Variants in ADAM22 observed in about 807,000 individuals in gnomAD.
ADAM22 encodes ADAM metallopeptidase domain 22.
ADAM22 carries 65 observed loss-of-function variants against 144.6 expected under a neutral mutation model. The ratio of observed to expected loss-of-function variants is 0.45; its 90% CI spans 0.37 to 0.55. ADAM22 has a LOEUF of 0.55. Ranked by LOEUF, ADAM22 falls within the 20% of genes least tolerant of loss-of-function variation. The probability of loss-of-function intolerance (pLI) is 0.00; values close to 1 mark genes in which losing one functional copy is unlikely to be tolerated. For synonymous variants in ADAM22, 391 were observed against 412.6 expected (o/e 0.95, Z 0.63); for missense variants, 974 against 1,184.9 (o/e 0.82, Z 2.61).
chr7:87,934,790 G>A, intron 1 of ADAM22: 1 of 670,350 alleles, frequency 1.5e-6, no homozygotes, highest in Non-Finnish European at 2.5e-6. Context: ...GAGGAATGGG[G>A]AGAATGGGAA....
intron 4 of ADAM22, among the ~76,000 whole-genome samples, chr7:88,097,620 TAA>T (rs55678558): frequency 0.011 from 1,612 of 141,304 alleles, 27 homozygotes; most frequent in African/African-American, 0.034. Context: ...TGTGTTTCCT[TAA>T]AAAAAAAAAA....
chr7:88,101,010 A>C (rs1216325269), intron 4 of ADAM22, among the ~76,000 whole-genome samples: 19 of 150,544 alleles, frequency 1.3e-4, no homozygotes, highest in Non-Finnish European at 1.5e-5. Flanking sequence ...GGAATCTAGG[A>C]TGCAGTAGGG....
At chr7:87,940,167 G>A (rs542337838) in intron 2 of ADAM22, among the ~76,000 whole-genome samples, 1 of 124,882 alleles carries the variant, frequency 8.0e-6, no homozygotes, top group Non-Finnish European at 1.6e-5. Flanking sequence ...GGGCGACAGA[G>A]CAAGTCTTTA....
chr7:88,086,465 TAAAA>T (rs1252029244), intron 4 of ADAM22, among the ~76,000 whole-genome samples: 1 of 152,194 alleles, frequency 6.6e-6, no homozygotes, highest in Admixed American at 6.5e-5. Context: ...TATTAAAACT[TAAAA>T]AGAATTTTTT....
chr7:88,067,635 C>T (rs573923293), intron 3 of ADAM22, among the ~76,000 whole-genome samples: 1 of 152,192 alleles, frequency 6.6e-6, no homozygotes, highest in East Asian at 1.9e-4. Flanking sequence ...AAATCTGATT[C>T]TGCTGCAAAG....
chr7:88,155,049 T>C (rs545587459), intron 21 of ADAM22, among the ~76,000 whole-genome samples: 2 of 152,172 alleles, frequency 1.3e-5, no homozygotes, highest in Admixed American at 6.6e-5. Flanking sequence ...TAAGTTAGAA[T>C]CATATGTAAT....
intron 14 of ADAM22, among the ~76,000 whole-genome samples, chr7:88,142,682 CA>C (rs1334616076): frequency 6.6e-6 from 1 of 151,674 alleles, no homozygotes; most frequent in South Asian, 2.1e-4. Flanking sequence ...ACTAAAAATA[CA>C]AAAAATTAGC....
In ADAM22 at chr7:88,199,232, T is replaced by C. The variant is rs1363844996; in HGVS notation, c.*2741T>C. 6.6e-6 allele frequency: 1 copy of C among 152,242 alleles called. No homozygotes were observed. The highest frequency in any genetic ancestry group is 1.5e-5 in the Non-Finnish European group (1 of 68,046). The allele number at this position is 152,242 out of a possible 1,614,324, so 9.4% of individuals were successfully genotyped here. ...GTTTATATCATGCAACTAATATTTA[T>C]ATTTCCCAATCCACTACAAAATCAT... On this transcript the variant is annotated 3_prime_UTR_variant, in exon 32 of 32. Coordinates refer to ENST00000413139, the MANE Select transcript of ADAM22 (RefSeq NM_001324418.2).
At chr7:88,177,883 A>G (rs192302844) in intron 26 of ADAM22, among the ~76,000 whole-genome samples, 76 of 152,338 alleles carry the variant, frequency 5.0e-4, no homozygotes, top group African/African-American at 1.8e-3. Context: ...TGCTTTTGCT[A>G]GAGATTTAAT....
chr7:88,114,610 C>T lies in ADAM22; in HGVS notation c.500C>T (p.Thr167Ile). 2 of 1,613,918 alleles carry T rather than the reference C, an allele frequency of 1.2e-6. No homozygotes were observed. Among genetic ancestry groups the T allele is most frequent in the African/African-American group, 1.3e-5 (1 of 75,024 alleles). The change falls in exon 6 of 32, where the codon ACA (threonine) becomes ATA (isoleucine). Residue 167 changes from threonine to isoleucine, a missense_variant. Coordinates refer to ENST00000413139, the MANE Select transcript of ADAM22 (RefSeq NM_001324418.2). ...LHGMFYDGNHTYLIEPEENDT... is the reference protein window; with the variant it reads ...LHGMFYDGNHIYLIEPEENDT... ...GGGATGTTCTATGACGGGAACCACA[C>T]ATATCTCATTGAGCCAGAAGAAAAT...
chr7:88,029,114 A>G (rs1799672714), intron 3 of ADAM22, among the ~76,000 whole-genome samples: 1 of 151,646 alleles, frequency 6.6e-6, no homozygotes, highest in African/African-American at 2.4e-5. Flanking sequence ...ATAAGGGCTT[A>G]TTTCTGTTAT....
chr7:88,103,018 A>G (rs931143051), intron 4 of ADAM22, among the ~76,000 whole-genome samples: 3 of 152,346 alleles, frequency 2.0e-5, no homozygotes, highest in African/African-American at 7.2e-5. Flanking sequence ...CTATTGGAGA[A>G]GTAAGACAGA....
intron 14 of ADAM22, among the ~76,000 whole-genome samples, chr7:88,137,221 G>T (rs977474824): frequency 6.6e-6 from 1 of 152,080 alleles, no homozygotes; most frequent in Non-Finnish European, 1.5e-5. Flanking sequence ...CAATATGTTT[G>T]TGAGATTTAT....
chr7:88,053,591 G>GAAA lies in ADAM22; in HGVS notation c.324-22035_324-22034insAAA, dbSNP rs1807183581. Among the ~76,000 whole-genome samples the GAAA allele has an allele frequency of 4.7e-3, 535 of 113,284 alleles. 5 individuals are homozygous for GAAA. Among genetic ancestry groups the GAAA allele is most frequent in the East Asian group, 0.03 (109 of 3,638 alleles). 74.3% of individuals were successfully genotyped at this position (113,284 alleles called of 152,430 possible). A position where few individuals can be genotyped will look rare whatever the true frequency, so the allele number is the denominator to read the frequency against. ...AGGAAGGAGGAAAGGAAGGAAGGAA[G>GAAA]GAAAGAAAGAAAGAAAGAAAGAAAG... On this transcript the variant is annotated intron_variant, in intron 3 of 31. Transcript: ENST00000413139.
At chr7:87,969,166 T>C (rs973847244) in intron 2 of ADAM22, among the ~76,000 whole-genome samples, 3 of 152,180 alleles carry the variant, frequency 2.0e-5, no homozygotes, top group Non-Finnish European at 4.4e-5. Context: ...GGAACCAGGA[T>C]TGAGAATAAC....
chr7:88,178,266 A>G (rs1846165304), intron 26 of ADAM22, among the ~76,000 whole-genome samples: 1 of 152,152 alleles, frequency 6.6e-6, no homozygotes, highest in Non-Finnish European at 1.5e-5. Context: ...GCAAAAATTC[A>G]GTTATTTTTT....
intron 3 of ADAM22, among the ~76,000 whole-genome samples, chr7:88,010,207 C>G (rs1365760094): frequency 6.6e-6 from 1 of 152,194 alleles, no homozygotes; most frequent in East Asian, 1.9e-4. Flanking sequence ...CCATGGAACA[C>G]TGGCTATAAG....
chr7:87,938,629 CATTT>C (rs1162843605), intron 2 of ADAM22, among the ~76,000 whole-genome samples: 1 of 151,868 alleles, frequency 6.6e-6, no homozygotes, highest in East Asian at 1.9e-4. Flanking sequence ...CTTTAAAAGG[CATTT>C]ATTTATTTAT....
At chr7:87,950,960 T>C (rs1170613009) in intron 2 of ADAM22, among the ~76,000 whole-genome samples, 6 of 152,146 alleles carry the variant, frequency 3.9e-5, no homozygotes, top group African/African-American at 9.7e-5. Flanking sequence ...TCTGTTCATA[T>C]CCTTTGCAAA....
Sources: allele counts gnomAD v4.1 joint callset (sites outside exome capture counted in the v4.1 genomes callset), GRCh38; gene constraint gnomAD v4.1.1; transcripts MANE v1.5; gene names NCBI Gene and HGNC (gene_info 2026-07-23, HGNC 2026-07-21).